MITF: variants seen among roughly 807,000 people sequenced by gnomAD.
The protein encoded by MITF is melanocyte inducing transcription factor.
MITF carries 17 observed loss-of-function variants against 60.5 expected under a neutral mutation model. The observed-to-expected ratio is 0.28, with a 90% CI of 0.19 to 0.42. The LOEUF is 0.42. MITF is among the 10% of genes least tolerant of loss of function. The pLI, the probability that MITF is intolerant of heterozygous loss-of-function variation, is 1.00. For synonymous variants in MITF, 260 were observed against 248.5 expected, an observed-to-expected ratio of 1.05 and a Z score of -0.43; for missense variants, 622 against 683.5, an observed-to-expected ratio of 0.91 and a Z score of 1.00.
intron 2 of MITF, among the ~76,000 whole-genome samples, chr3:69,921,225 A>C (rs570356294): frequency 6.6e-6 from 1 of 151,906 alleles, no homozygotes; most frequent in South Asian, 2.1e-4. Context: ...TATATGTGAA[A>C]CTCCGTAAGC....
In MITF at chr3:69,949,309, A is replaced by G. The variant is rs148109391; in HGVS notation, c.880+141A>G. On this transcript the variant is annotated intron_variant, in intron 6 of 9. Transcript: ENST00000352241. The stretch of plus-strand genomic sequence containing the variant: ...AGGTCTCTGCAGTGGTTAAAACATT[A>G]TGCAATATTTTAAGACGGAGAATTT... 8.2e-5 allele frequency: 54 copies of G among 661,370 alleles called. No homozygotes were observed. In the East Asian group the frequency reaches 1.4e-3, roughly 17 times the overall value. The allele number at this position is 661,370 out of a possible 1,614,324, so 41.0% of individuals were successfully genotyped here. A position where few individuals can be genotyped will look rare whatever the true frequency, so the allele number is the denominator to read the frequency against.
chr3:69,846,135 CTTT>C (rs3044615), intron 1 of MITF, among the ~76,000 whole-genome samples: 52 of 147,110 alleles, frequency 3.5e-4, no homozygotes, highest in Non-Finnish European at 2.8e-4. Context: ...CTGCCTAGGG[CTTT>C]TTTTTTTTTT....
chr3:69,925,654 A>T (rs1559724361), intron 2 of MITF, among the ~76,000 whole-genome samples: 1 of 152,144 alleles, frequency 6.6e-6, no homozygotes, highest in Non-Finnish European at 1.5e-5. Context: ...GCCCTACAAC[A>T]TCTGGCCCAG....
Position 69,938,057 on chromosome 3 carries a change from A to C in MITF, c.582+8A>C, listed in dbSNP as rs1382197782. ...TCCAACTGTGAAAAAGAGGTAATTC[A>C]TGTCTCCTCTCCTCTCCTGTTTTCT... is the stretch of plus-strand genomic sequence containing the variant. On this transcript the variant is annotated splice_region_variant and intron_variant, in intron 3 of 9. Transcript: ENST00000352241. 6.2e-7 allele frequency: 1 copy of C among 1,610,462 alleles called. No individual in the cohort carries two copies. Among genetic ancestry groups the C allele is most frequent in the South Asian group, 1.1e-5 (1 of 91,002 alleles).
At chr3:69,783,688 A>G (rs1187290078) in intron 1 of MITF, among the ~76,000 whole-genome samples, 1 of 152,018 alleles carries the variant, frequency 6.6e-6, no homozygotes, top group African/African-American at 2.4e-5. Context: ...GTTTTAAATT[A>G]TCCAGAATAT....
At chr3:69,960,228 A>T (rs2066506805) in intron 9 of MITF, among the ~76,000 whole-genome samples, 1 of 152,226 alleles carries the variant, frequency 6.6e-6, no homozygotes, top group Non-Finnish European at 1.5e-5. Context: ...GGAACTTGGG[A>T]ACACCCAGAG....
intron 2 of MITF, among the ~76,000 whole-genome samples, chr3:69,919,724 G>A (rs547330529): frequency 5.3e-5 from 8 of 152,076 alleles, no homozygotes; most frequent in South Asian, 4.1e-4. Context: ...ATAAAATTAT[G>A]AACAAATGAC....
At chr3:69,823,979 T>C (rs1362813262) in intron 1 of MITF, among the ~76,000 whole-genome samples, 4 of 152,202 alleles carry the variant, frequency 2.6e-5, no homozygotes, top group South Asian at 2.1e-4. Flanking sequence ...TATCCTATTA[T>C]AAAACAGTTA....
intron 1 of MITF, among the ~76,000 whole-genome samples, chr3:69,845,065 G>C (rs1274904136): frequency 6.6e-6 from 1 of 152,098 alleles, no homozygotes; most frequent in Non-Finnish European, 1.5e-5. Context: ...AAAACGTGCA[G>C]GCTTTTATTT....
At chr3:69,853,413 A>G (rs2063859575) in intron 1 of MITF, among the ~76,000 whole-genome samples, 1 of 152,104 alleles carries the variant, frequency 6.6e-6, no homozygotes, top group Admixed American at 6.5e-5. Flanking sequence ...ACTTCCCTAT[A>G]TGGCTTATTT....
intron 1 of MITF, among the ~76,000 whole-genome samples, chr3:69,864,797 C>T (rs564690708): frequency 1.3e-5 from 2 of 152,140 alleles, no homozygotes; most frequent in South Asian, 4.2e-4. Context: ...AGTCTGCCTG[C>T]CAACTTCCCA....
intron 1 of MITF, among the ~76,000 whole-genome samples, chr3:69,759,619 C>T (rs2062181232): frequency 6.6e-6 from 1 of 152,210 alleles, no homozygotes; most frequent in Admixed American, 6.5e-5. Flanking sequence ...TGAGGGTTGA[C>T]TATATTAAAA....
chr3:69,869,530 A>G (rs978939983), intron 1 of MITF, among the ~76,000 whole-genome samples: 3 of 152,198 alleles, frequency 2.0e-5, no homozygotes, highest in African/African-American at 7.2e-5. Context: ...ATGAGCCCAC[A>G]TACATCTCTC....
chr3:69,879,029 C>T lies in MITF; in HGVS notation c.105-105C>T, dbSNP rs148725317. The T allele has an allele frequency of 1.4e-4, 125 of 866,894 alleles. No individual in the cohort carries two copies. In the East Asian group the frequency reaches 1.5e-3, roughly 11 times the overall value. The allele number at this position is 866,894 out of a possible 1,614,324, so 53.7% of individuals were successfully genotyped here. A position where few individuals can be genotyped will look rare whatever the true frequency, so the allele number is the denominator to read the frequency against. On this transcript the variant is annotated intron_variant, in intron 1 of 9. Transcript: ENST00000352241. ...CCATTCTGTGACTTGATTATATTTG[C>T]GCAGACTCATTTTATAGTTTGGTGC...
chr3:69,911,000 C>T (rs1333913145), intron 2 of MITF, among the ~76,000 whole-genome samples: 2 of 152,148 alleles, frequency 1.3e-5, no homozygotes, highest in Non-Finnish European at 2.9e-5. Flanking sequence ...CTACCCAAAT[C>T]TCAACTTGAA....
intron 2 of MITF, among the ~76,000 whole-genome samples, chr3:69,881,446 A>G (rs2064485147): frequency 6.6e-6 from 1 of 152,098 alleles, no homozygotes; most frequent in Non-Finnish European, 1.5e-5. Flanking sequence ...TTAAATGAAG[A>G]AACAAATAAG....
intron 1 of MITF, among the ~76,000 whole-genome samples, chr3:69,751,787 T>G (rs1381335629): frequency 6.6e-6 from 1 of 152,160 alleles, no homozygotes; most frequent in African/African-American, 2.4e-5. Context: ...GATCTGTGTC[T>G]CTACCATATC....
chr3:69,912,860 A>G (rs1559715684), intron 2 of MITF, among the ~76,000 whole-genome samples: 2 of 152,226 alleles, frequency 1.3e-5, no homozygotes, highest in Non-Finnish European at 2.9e-5. Flanking sequence ...CAGAAAGCCT[A>G]TATAAAGGTC....
At chr3:69,759,264 A>T (rs764459176) in intron 1 of MITF, among the ~76,000 whole-genome samples, 1 of 152,212 alleles carries the variant, frequency 6.6e-6, no homozygotes, top group Non-Finnish European at 1.5e-5. Flanking sequence ...GGCCAGCAGC[A>T]CTATAACCTG....
Sources: gnomAD v4.1 joint callset for allele counts (sites outside exome capture counted in the v4.1 genomes callset) on GRCh38, gnomAD v4.1.1 for gene constraint, MANE v1.5 for transcripts, NCBI Gene and HGNC (gene_info 2026-07-23, HGNC 2026-07-21) for gene names.